Variants in CSMD2 observed in about 807,000 individuals in gnomAD.
CSMD2 encodes the protein CUB and sushi domain-containing protein 2.
A neutral mutation model predicts 398.5 loss-of-function variants in CSMD2; 130 were observed. The observed-to-expected ratio is 0.33, with a 90% confidence interval of 0.28 to 0.38. CSMD2 has a LOEUF of 0.38. CSMD2 is among the 10% of genes least tolerant of loss of function. The pLI, the probability that CSMD2 is intolerant of heterozygous loss-of-function variation, is 1.00. For synonymous variants in CSMD2, 1,828 were observed against 1,908.5 expected, an observed-to-expected ratio of 0.96 and a Z score of 1.10; for missense variants, 3,829 against 4,764.9, an observed-to-expected ratio of 0.80 and a Z score of 5.78.
chr1:33,527,160 C>A (rs1654847807), intron 65 of CSMD2, 36 bp downstream of exon 65: 1 of 1,587,112 alleles, frequency 6.3e-7, no homozygotes, highest in Non-Finnish European at 8.7e-7. Flanking sequence ...AAAAGTAACA[C>A]CAGTTTCTTG....
chr1:33,753,604 G>T (rs1648566927), intron 13 of CSMD2, among the ~76,000 whole-genome samples: 1 of 152,226 alleles, frequency 6.6e-6, no homozygotes. Flanking sequence ...GAAGGGGGCT[G>T]CCACCCTCCA....
chr1:34,146,157 C>G (rs1228074938), intron 1 of CSMD2, among the ~76,000 whole-genome samples: 3 of 152,178 alleles, frequency 2.0e-5, no homozygotes, highest in Admixed American at 2.0e-4. Flanking sequence ...CCTCAGCCTC[C>G]CGAGTCACCA....
intron 50 of CSMD2, among the ~76,000 whole-genome samples, chr1:33,572,230 CAA>C (rs1659655378): frequency 6.6e-6 from 1 of 152,170 alleles, no homozygotes; most frequent in Non-Finnish European, 1.5e-5. Flanking sequence ...GACATTCATG[CAA>C]ACTTTCTGAC....
intron 19 of CSMD2, among the ~76,000 whole-genome samples, chr1:33,717,224 G>A (rs1193195463): frequency 1.3e-5 from 2 of 152,068 alleles, no homozygotes; most frequent in East Asian, 3.9e-4. Context: ...TATTTTTCTG[G>A]AGGCAATGAG....
chr1:34,062,453 G>A (rs1654620662), intron 2 of CSMD2, among the ~76,000 whole-genome samples: 1 of 152,224 alleles, frequency 6.6e-6, no homozygotes, highest in Non-Finnish European at 1.5e-5. Context: ...AAGCCAGGAA[G>A]TCCCGCTGTG....
intron 3 of CSMD2, among the ~76,000 whole-genome samples, chr1:33,962,517 G>T (rs1645399135): frequency 6.6e-6 from 1 of 152,178 alleles, no homozygotes; most frequent in African/African-American, 2.4e-5. Flanking sequence ...AAGGAACCTT[G>T]AGGGAAAAAA....
In CSMD2 at chr1:34,025,330, G is replaced by A. The variant is rs142768992; in HGVS notation, c.517+7264C>T. Among the ~76,000 whole-genome samples the A allele has an allele frequency of 2.3e-3, 355 of 152,320 alleles. 3 individuals carry two copies. The highest frequency in any genetic ancestry group is 8.0e-3 in the African/African-American group (331 of 41,564). ...TTCTCCCTGCTCCCCTTTGGGAGGG[G>A]AGATAGACTAGGGAGAGAGCACAAA... is the stretch of plus-strand genomic sequence containing the variant. On this transcript the variant is annotated intron_variant, in intron 3 of 70. Transcript: ENST00000373381.
At chr1:33,768,773 G>C (rs898630399) in intron 13 of CSMD2, among the ~76,000 whole-genome samples, 3 of 152,046 alleles carry the variant, frequency 2.0e-5, no homozygotes, top group Admixed American at 6.6e-5. Context: ...GAGCACCCAA[G>C]GATCCAATTT....
At chr1:33,851,402 T>G (rs149770095) in intron 5 of CSMD2, among the ~76,000 whole-genome samples, 2 of 152,146 alleles carry the variant, frequency 1.3e-5, no homozygotes, top group East Asian at 1.9e-4. Context: ...GAAGCACTTC[T>G]GCATCCCAGT....
At position 33,624,446 on chromosome 1, in the gene CSMD2, TG is replaced by T. The variant is rs1641969340; in HGVS notation, c.5625+72del. 8 of 1,574,442 alleles carry T rather than the reference TG, an allele frequency of 5.1e-6. No individual in the cohort carries two copies. The highest frequency in any genetic ancestry group is 6.9e-6 in the Non-Finnish European group (8 of 1,157,168). On this transcript the variant is annotated intron_variant, in intron 35 of 70. Transcript: ENST00000373381. The surrounding 1 kb of genome is among the most constrained non-coding windows in gnomAD (Gnocchi z 4.7). The stretch of plus-strand genomic sequence containing the variant: ...AGGCCTTGGCACCAGCCAGCACCTG[TG>T]GTTGTCACCTGTGAGCTGTTACCTG...
At chr1:33,765,106 G>A (rs986716107) in intron 13 of CSMD2, among the ~76,000 whole-genome samples, 14 of 152,176 alleles carry the variant, frequency 9.2e-5, no homozygotes, top group African/African-American at 3.4e-4. Flanking sequence ...CTGGATATGA[G>A]GGCTGTGTAT....
intron 62 of CSMD2, among the ~76,000 whole-genome samples, chr1:33,534,524 C>A (rs1186116388): frequency 6.6e-6 from 1 of 152,156 alleles, no homozygotes; most frequent in African/African-American, 2.4e-5. Context: ...ACCAGCCCCT[C>A]ACTGTACAAC....
intron 2 of CSMD2, among the ~76,000 whole-genome samples, chr1:34,079,485 T>C (rs1656809206): frequency 6.6e-6 from 1 of 152,168 alleles, no homozygotes; most frequent in South Asian, 2.1e-4. Context: ...GAATAAAACT[T>C]TTATTTAAAA....
intron 25 of CSMD2, among the ~76,000 whole-genome samples, chr1:33,688,653 T>C (rs1019327423): frequency 1.3e-5 from 2 of 152,094 alleles, no homozygotes; most frequent in South Asian, 4.2e-4. Context: ...GGTGAAACCC[T>C]GTCTCTACAA....
chr1:33,794,162 T>C (rs1238829632), intron 10 of CSMD2, among the ~76,000 whole-genome samples: 1 of 152,294 alleles, frequency 6.6e-6, no homozygotes, highest in South Asian at 2.1e-4. Flanking sequence ...TGCAGAGCCT[T>C]ACCCCAAGGT....
intron 28 of CSMD2, 36 bp from the exon 29 acceptor site, chr1:33,646,871 AG>A: frequency 1.3e-6 from 2 of 1,573,664 alleles, no homozygotes; most frequent in Non-Finnish European, 8.6e-7. Context: ...CACCCCACTA[AG>A]GTCAAATAAA....
chr1:33,862,493 A>T (rs2125117828), intron 5 of CSMD2: 1 of 152,146 alleles, frequency 6.6e-6, no homozygotes, highest in South Asian at 2.1e-4. Flanking sequence ...TGTCCCATTC[A>T]TCTAGGCAGC....
In CSMD2 at chr1:33,636,090, G is replaced by A. The variant is rs1263432515; in HGVS notation, c.4969+270C>T. Among the ~76,000 whole-genome samples the A allele has an allele frequency of 6.6e-6, 1 of 152,160 alleles. No homozygotes were observed. Among genetic ancestry groups the A allele is most frequent in the Non-Finnish European group, 1.5e-5 (1 of 68,042 alleles). On this transcript the variant is annotated intron_variant, in intron 30 of 70. Coordinates refer to ENST00000373381, the MANE Select transcript of CSMD2 (RefSeq NM_001281956.2). This position sits in a 1 kb window ranked among gnomAD's most constrained non-coding sequence, Gnocchi z 4.8. The stretch of plus-strand genomic sequence containing the variant: ...TCCCTGGTGTGAGCTCCCTGATGTG[G>A]CATGTCTGGGGGCCTCTGTTGAGGG...
chr1:33,752,691 T>C (rs962863690), intron 13 of CSMD2, among the ~76,000 whole-genome samples: 1 of 152,104 alleles, frequency 6.6e-6, no homozygotes, highest in Non-Finnish European at 1.5e-5. Context: ...AGTTTGAAGG[T>C]CTCAGAAGAT....
Sources: gnomAD v4.1 joint callset for allele counts (sites outside exome capture counted in the v4.1 genomes callset) on GRCh38, gnomAD v4.1.1 for gene constraint, Gnocchi (gnomAD v3.1) non-coding constraint, MANE v1.5 for transcripts, NCBI Gene and HGNC (gene_info 2026-07-23, HGNC 2026-07-21) for gene names.